XYLT1: variants seen among roughly 807,000 people sequenced by gnomAD.
XYLT1 encodes xylosyltransferase 1, also known as beta-D-xylosyltransferase 1.
XYLT1 carries 36 observed loss-of-function variants against 91.3 expected under a neutral mutation model. The ratio of observed to expected loss-of-function variants is 0.39; its 90% CI spans 0.30 to 0.52. The LOEUF is 0.52. Ranked by LOEUF, XYLT1 falls within the 20% of genes least tolerant of loss-of-function variation. XYLT1 has a pLI of 0.68. For missense variants in XYLT1, 1,242 were observed against 1,284.5 expected (o/e 0.97, Z 0.51); for synonymous variants, 588 against 532.0 (o/e 1.11, Z -1.45).
intron 5 of XYLT1, among the ~76,000 whole-genome samples, chr16:17,180,033 C>A (rs980133657): frequency 6.6e-6 from 1 of 152,214 alleles, no homozygotes; most frequent in Non-Finnish European, 1.5e-5. Flanking sequence ...CCTTCTCTTG[C>A]AAATGGGGAC....
intron 2 of XYLT1, among the ~76,000 whole-genome samples, chr16:17,260,835 C>T (rs535025227): frequency 1.3e-5 from 2 of 152,036 alleles, no homozygotes; most frequent in Non-Finnish European, 2.9e-5. Context: ...GTATGCAGAC[C>T]CCTGCTCTGC....
intron 1 of XYLT1, among the ~76,000 whole-genome samples, chr16:17,413,878 T>C (rs543941004): frequency 1.1e-4 from 17 of 152,128 alleles, no homozygotes; most frequent in African/African-American, 4.1e-4. Context: ...CCCTCAGCCA[T>C]CACCATATCT....
At chr16:17,322,448 T>C (rs1234475408) in intron 2 of XYLT1, among the ~76,000 whole-genome samples, 2 of 152,170 alleles carry the variant, frequency 1.3e-5, no homozygotes, top group Non-Finnish European at 2.9e-5. Flanking sequence ...GCAGTGTCCT[T>C]TGAAGAATTT....
At chr16:17,145,915 C>T (rs917322030) in intron 6 of XYLT1, among the ~76,000 whole-genome samples, 1 of 152,246 alleles carries the variant, frequency 6.6e-6, no homozygotes, top group Non-Finnish European at 1.5e-5. Flanking sequence ...AGTTACCTGT[C>T]TCCTCGCAGG....
chr16:17,193,657 T>G (rs2032367842), intron 5 of XYLT1: 2 of 152,214 alleles, frequency 1.3e-5, no homozygotes, highest in Admixed American at 6.5e-5. Flanking sequence ...GTGCCTGACT[T>G]GGGCACTACC....
At chr16:17,318,726 G>A (rs145908826) in intron 2 of XYLT1, among the ~76,000 whole-genome samples, 2 of 151,122 alleles carry the variant, frequency 1.3e-5, no homozygotes, top group East Asian at 3.9e-4. Flanking sequence ...GAAAACTATA[G>A]TGGGAAAAGC....
intron 3 of XYLT1, among the ~76,000 whole-genome samples, chr16:17,222,513 G>C (rs1213831052): frequency 6.6e-6 from 1 of 152,136 alleles, no homozygotes; most frequent in East Asian, 1.9e-4. Flanking sequence ...ATCTAGACCG[G>C]GCGCAGTGGC....
At chr16:17,119,396 C>T (rs1003052581) in intron 10 of XYLT1, among the ~76,000 whole-genome samples, 4 of 152,210 alleles carry the variant, frequency 2.6e-5, no homozygotes, top group South Asian at 2.1e-4. Flanking sequence ...GGGCAAATAA[C>T]GGGTACAGTA....
intron 1 of XYLT1, among the ~76,000 whole-genome samples, chr16:17,442,576 G>A (rs2141942755): frequency 6.6e-6 from 1 of 152,242 alleles, no homozygotes; most frequent in East Asian, 1.9e-4. Flanking sequence ...CACTGCCACA[G>A]GCTGCCTGGA....
chr16:17,265,771 G>A (rs2141766453), intron 2 of XYLT1, among the ~76,000 whole-genome samples: 1 of 150,644 alleles, frequency 6.6e-6, no homozygotes, highest in East Asian at 2.0e-4. Context: ...AGGTTCTCTT[G>A]GTTCAGGATG....
intron 1 of XYLT1, among the ~76,000 whole-genome samples, chr16:17,433,912 G>T (rs1794707967): frequency 1.3e-5 from 2 of 151,832 alleles, no homozygotes; most frequent in Admixed American, 1.3e-4. Context: ...ATTCCTAGCG[G>T]CAAGGCTGGA....
intron 1 of XYLT1, among the ~76,000 whole-genome samples, chr16:17,411,001 G>C (rs1242243178): frequency 2.0e-5 from 3 of 152,108 alleles, no homozygotes; most frequent in Non-Finnish European, 4.4e-5. Flanking sequence ...TGCTGTCAAT[G>C]GTCTAATAAA....
At chr16:17,132,064 G>A (rs1278783768) in intron 9 of XYLT1, among the ~76,000 whole-genome samples, 1 of 152,186 alleles carries the variant, frequency 6.6e-6, no homozygotes, top group Non-Finnish European at 1.5e-5. Flanking sequence ...AATTGGGGGT[G>A]TCTTTTGGAA....
At chr16:17,351,368 C>T (rs1391875744) in intron 2 of XYLT1, among the ~76,000 whole-genome samples, 1 of 152,110 alleles carries the variant, frequency 6.6e-6, no homozygotes. Flanking sequence ...CAAAAATTAG[C>T]CAGGTGTGGT....
intron 2 of XYLT1, among the ~76,000 whole-genome samples, chr16:17,322,387 G>A (rs528305182): frequency 6.6e-5 from 10 of 152,136 alleles, no homozygotes; most frequent in African/African-American, 2.2e-4. Flanking sequence ...AATCATCATC[G>A]TCATCATCAT....
intron 3 of XYLT1, among the ~76,000 whole-genome samples, chr16:17,248,857 C>T (rs1397870231): frequency 6.6e-6 from 1 of 150,484 alleles, no homozygotes; most frequent in Non-Finnish European, 1.5e-5. Context: ...AAGCAATTCT[C>T]ATGCCTTAGC....
At chr16:17,235,769 G>T (rs2033237951) in intron 3 of XYLT1, among the ~76,000 whole-genome samples, 1 of 152,178 alleles carries the variant, frequency 6.6e-6, no homozygotes, top group Non-Finnish European at 1.5e-5. Flanking sequence ...TGCACCTTGA[G>T]TGTCCTCCAA....
intron 5 of XYLT1, among the ~76,000 whole-genome samples, chr16:17,188,726 T>C (rs1473786078): frequency 6.6e-6 from 1 of 152,226 alleles, no homozygotes; most frequent in Admixed American, 6.5e-5. Context: ...TTAATAACCA[T>C]GGCTATCACA....
At chr16:17,348,198 A>G (rs1009150333) in intron 2 of XYLT1, among the ~76,000 whole-genome samples, 1 of 152,086 alleles carries the variant, frequency 6.6e-6, no homozygotes, top group African/African-American at 2.4e-5. Context: ...TCATCTTGCT[A>G]ACACCCAACA....
Sources: gnomAD v4.1 joint callset for allele counts (sites outside exome capture counted in the v4.1 genomes callset) on GRCh38, gnomAD v4.1.1 for gene constraint, MANE v1.5 for transcripts, NCBI Gene and HGNC (gene_info 2026-07-23, HGNC 2026-07-21) for gene names.